ARID1A: variants seen among roughly 807,000 people sequenced by gnomAD.
The protein encoded by ARID1A is AT-rich interactive domain-containing protein 1A.
In ARID1A, 20 loss-of-function variants were observed where a neutral mutation model predicts 212.6. That is an observed-to-expected ratio of 0.09 (90% confidence interval 0.07 to 0.14). ARID1A has a LOEUF of 0.14. Among genes scored for constraint, ARID1A ranks in the 10% least tolerant of loss-of-function variants. The pLI, the probability that ARID1A is intolerant of heterozygous loss-of-function variation, is 1.00. For synonymous variants in ARID1A, 1,376 were observed against 1,222.1 expected (o/e 1.13, Z -2.63); for missense variants, 2,587 against 3,059.0 (o/e 0.85, Z 3.64).
In ARID1A at chr1:26,766,031, T is replaced by C. The variant is rs564827320; in HGVS notation, c.2733-190T>C. Among the ~76,000 whole-genome samples, 123 of 152,236 alleles carry C rather than the reference T, an allele frequency of 8.1e-4. 1 individual carries two copies. The Middle Eastern group carries it at 0.01, about 13-fold the overall frequency. ...CATTCCAGCCAGGGTGCCAGAGCAA[T>C]ACCCTGTCTCAAGAAAATAAATTAA... is the stretch of plus-strand genomic sequence containing the variant. On this transcript the variant is annotated intron_variant, in intron 8 of 19. Coordinates refer to ENST00000324856, the MANE Select transcript of ARID1A (RefSeq NM_006015.6).
intron 1 of ARID1A, among the ~76,000 whole-genome samples, chr1:26,718,742 C>T (rs922147638): frequency 2.0e-5 from 3 of 152,134 alleles, no homozygotes; most frequent in African/African-American, 7.2e-5. Context: ...AGTACAGGCA[C>T]AACCATCGTA....
intron 11 of ARID1A, 28 bp downstream of exon 11, chr1:26,768,027 C>G (rs2124088208): frequency 6.2e-7 from 1 of 1,606,910 alleles, no homozygotes; most frequent in Non-Finnish European, 8.5e-7. Context: ...ACTTGACTGC[C>G]CCTGTGGTTT....
chr1:26,744,632 TTTTAAATGTATTTCCTACTACTCAAGAAG>T (rs2080819788), intron 4 of ARID1A, among the ~76,000 whole-genome samples: 1 of 152,190 alleles, frequency 6.6e-6, no homozygotes, highest in African/African-American at 2.4e-5. Context: ...TACCTGGAGC[TTTTAAATGTATTTCCTACTACTCAAGAAG>T]ACACTTGGTA....
intron 12 of ARID1A, 103 bp from the exon 13 acceptor site, chr1:26,772,397 A>G: frequency 6.5e-7 from 1 of 1,542,930 alleles, no homozygotes; most frequent in South Asian, 1.2e-5. Context: ...TAAAGGCCTT[A>G]GGAAGAACTT....
chr1:26,757,538 T>C (rs544401067), intron 4 of ARID1A, among the ~76,000 whole-genome samples: 2 of 152,240 alleles, frequency 1.3e-5, no homozygotes, highest in Admixed American at 1.3e-4. Context: ...GTGGTTTCTC[T>C]GTTGAGGGCA....
rs2124745518 is a variant in ARID1A, at chr1:26,697,552, A to G, written c.1137+12A>G. On this transcript the variant is annotated intron_variant, in intron 1 of 19. Coordinates refer to ENST00000324856, the MANE Select transcript of ARID1A (RefSeq NM_006015.6). Reference sequence around the variant, plus strand: ...CCCGGACCCCTCAGGTACACAGCTGAGTGGGGAGGGGGCTGGGGCGAGCGT... The same window carrying G: ...CCCGGACCCCTCAGGTACACAGCTGGGTGGGGAGGGGGCTGGGGCGAGCGT... 7.5e-7 allele frequency: 1 copy of G among 1,338,896 alleles called. No individual in the cohort carries two copies. The highest frequency in any genetic ancestry group is 9.5e-7 in the Non-Finnish European group (1 of 1,053,424). 82.9% of individuals were successfully genotyped at this position (1,338,896 alleles called of 1,614,324 possible). A position where few individuals can be genotyped will look rare whatever the true frequency, so the allele number is the denominator to read the frequency against.
chr1:26,717,842 AG>A (rs1367886777), intron 1 of ARID1A, among the ~76,000 whole-genome samples: 1 of 152,214 alleles, frequency 6.6e-6, no homozygotes, highest in Non-Finnish European at 1.5e-5. Flanking sequence ...TTGACATGAA[AG>A]TGAGCTATAC....
At chr1:26,705,203 A>G (rs1013049505) in intron 1 of ARID1A, among the ~76,000 whole-genome samples, 57 of 151,954 alleles carry the variant, frequency 3.8e-4, no homozygotes, top group African/African-American at 9.9e-4. Context: ...CAGTGGTGCA[A>G]TCTGGCTCAT....
intron 1 of ARID1A, among the ~76,000 whole-genome samples, chr1:26,708,582 C>T (rs539463404): frequency 1.3e-5 from 2 of 151,848 alleles, no homozygotes; most frequent in East Asian, 3.9e-4. Context: ...CCGCACCCAG[C>T]CAGAGTCTTT....
chr1:26,758,257 G>A (rs1189592151), intron 4 of ARID1A, among the ~76,000 whole-genome samples: 1 of 152,132 alleles, frequency 6.6e-6, no homozygotes, highest in Non-Finnish European at 1.5e-5. Context: ...TCTTGGCTCA[G>A]AGGCTAGATG....
chr1:26,729,245 C>G (rs2080648898), intron 1 of ARID1A: 2 of 208,462 alleles, frequency 9.6e-6, no homozygotes, highest in Non-Finnish European at 2.0e-5. Flanking sequence ...ATAGAAACAT[C>G]TAGATGTTTG....
intron 4 of ARID1A, among the ~76,000 whole-genome samples, chr1:26,737,364 C>G (rs1033805570): frequency 2.6e-5 from 4 of 152,040 alleles, no homozygotes; most frequent in African/African-American, 9.7e-5. Context: ...GCAGTCTGCC[C>G]GCCTTGGCTT....
At position 26,774,352 on chromosome 1, in the gene ARID1A, C is replaced by T. The variant is rs1265028589; in HGVS notation, c.4125C>T (p.Gly1375=). ...AGAATTACAAGCGGCCAATGGATGGCACATATGGCCCTCCTGCCAAGCGGC... is the reference window on the plus strand; with the variant it reads ...AGAATTACAAGCGGCCAATGGATGGTACATATGGCCCTCCTGCCAAGCGGC... The part of the protein sequence containing the change: ...QQQNYKRPMD[G]TYGPPAKRHE... Residue 1375 remains glycine (G), a synonymous_variant, in exon 18 of 20, where the codon GGC becomes GGT. Transcript: ENST00000324856. The surrounding 1 kb of genome is among the most constrained non-coding windows in gnomAD (Gnocchi z 5.6). 6.4e-7 allele frequency: 1 copy of T among 1,551,762 alleles called. No homozygotes were observed.
At chr1:26,757,551 A>T (rs951212996) in intron 4 of ARID1A, among the ~76,000 whole-genome samples, 1 of 152,196 alleles carries the variant, frequency 6.6e-6, no homozygotes, top group Non-Finnish European at 1.5e-5. Context: ...TGAGGGCAAC[A>T]GAAGGACAGC....
chr1:26,776,180 T>C (rs1006600325), intron 19 of ARID1A, among the ~76,000 whole-genome samples: 1 of 152,046 alleles, frequency 6.6e-6, no homozygotes, highest in Non-Finnish European at 1.5e-5. Flanking sequence ...GTATGTTTTT[T>C]CCATTTTTCC....
chr1:26,752,702 A>G (rs2080895418), intron 4 of ARID1A, among the ~76,000 whole-genome samples: 1 of 152,176 alleles, frequency 6.6e-6, no homozygotes, highest in African/African-American at 2.4e-5. Flanking sequence ...TCAGCATGAG[A>G]GCAGCCTAGG....
chr1:26,779,451 C>T lies in ARID1A; in HGVS notation c.5553C>T (p.Thr1851=), dbSNP rs1428541892. The T allele has an allele frequency of 6.2e-7, 1 of 1,614,086 alleles. No individual in the cohort carries two copies. Among genetic ancestry groups the T allele is most frequent in the Non-Finnish European group, 8.5e-7 (1 of 1,180,030 alleles). ...LLHWRIGGGD[T]TEHIQTHFES... is the part of the protein sequence containing the mutation. ...ACTGGCGGATTGGTGGGGGGGACAC[C>T]ACTGAGCATATCCAGACCCACTTCG... The change falls in exon 20 of 20, where the codon ACC becomes ACT. Residue 1851 remains threonine (T), a synonymous_variant. Transcript: ENST00000324856.
intron 1 of ARID1A, 86 bp downstream of exon 1, chr1:26,697,626 C>G: frequency 8.3e-7 from 1 of 1,205,894 alleles, no homozygotes; most frequent in Non-Finnish European, 1.0e-6. Context: ...CAGCCTTGGG[C>G]TCCCCTCAGT....
At chr1:26,723,659 C>G (rs561792956) in intron 1 of ARID1A, among the ~76,000 whole-genome samples, 1 of 152,032 alleles carries the variant, frequency 6.6e-6, no homozygotes, top group African/African-American at 2.4e-5. Context: ...CCATGTGTTT[C>G]TCACTTCAAG....
Sources: allele counts gnomAD v4.1 joint callset (sites outside exome capture counted in the v4.1 genomes callset), GRCh38; gene constraint gnomAD v4.1.1; non-coding constraint Gnocchi (gnomAD v3.1); transcripts MANE v1.5; gene names NCBI Gene and HGNC (gene_info 2026-07-23, HGNC 2026-07-21).